Variants in WDFY4 observed in about 807,000 individuals in gnomAD.
WDFY4 encodes the protein WDFY family member 4, also known as WD repeat- and FYVE domain-containing protein 4.
WDFY4 carries 169 observed loss-of-function variants against 351.9 expected under a neutral mutation model. The ratio of observed to expected loss-of-function variants is 0.48; its 90% CI spans 0.42 to 0.55. WDFY4 has a LOEUF of 0.55. WDFY4 is among the 20% of genes least tolerant of loss of function. WDFY4 has a pLI of 0.00. For synonymous variants in WDFY4, 1,622 were observed against 1,574.6 expected, an observed-to-expected ratio of 1.03 and a Z score of -0.71; for missense variants, 3,803 against 3,935.6, an observed-to-expected ratio of 0.97 and a Z score of 0.90.
rs1436716132 is a variant in WDFY4, at chr10:48,946,188, G to A, written c.7867+31G>A. ...TAGATCCAGCTTGATTTTTGGTGCAGTGTTATTCATCGGGATGCCCTAAAA... is the reference window on the plus strand; with the variant it reads ...TAGATCCAGCTTGATTTTTGGTGCAATGTTATTCATCGGGATGCCCTAAAA... On this transcript the variant is annotated intron_variant, in intron 50 of 61. Transcript: ENST00000325239. 1.3e-5 allele frequency: 19 copies of A among 1,488,388 alleles called. No individual in the cohort carries two copies. In the East Asian group the frequency reaches 3.7e-4, roughly 29 times the overall value. 92.2% of individuals were successfully genotyped at this position (1,488,388 alleles called of 1,614,324 possible).
chr10:48,843,919 G>A (rs2068689185), intron 39 of WDFY4, among the ~76,000 whole-genome samples: 1 of 152,226 alleles, frequency 6.6e-6, no homozygotes, highest in African/African-American at 2.4e-5. Context: ...AGGCAAAAAT[G>A]CTCTAGCATT....
intron 39 of WDFY4, among the ~76,000 whole-genome samples, chr10:48,849,961 T>C (rs1206496397): frequency 6.6e-6 from 1 of 152,236 alleles, no homozygotes; most frequent in East Asian, 1.9e-4. Flanking sequence ...AGATATTTTG[T>C]AAAATACCCC....
At chr10:48,769,714 C>G (rs1465969456) in intron 13 of WDFY4, among the ~76,000 whole-genome samples, 1 of 152,152 alleles carries the variant, frequency 6.6e-6, no homozygotes, top group African/African-American at 2.4e-5. Context: ...TGCTCCAGGA[C>G]CCAGCGCTCG....
chr10:48,979,588 TG>T (rs1842723322), intron 60 of WDFY4: 1 of 151,022 alleles, frequency 6.6e-6, no homozygotes, highest in Non-Finnish European at 1.5e-5. Context: ...GATGGATGGA[TG>T]GATGGATGGA....
At chr10:48,842,745 A>C (rs2068651400) in intron 39 of WDFY4, among the ~76,000 whole-genome samples, 1 of 152,180 alleles carries the variant, frequency 6.6e-6, no homozygotes. Flanking sequence ...TTAAGTGCAA[A>C]GTCCACACAC....
intron 39 of WDFY4, among the ~76,000 whole-genome samples, chr10:48,848,858 G>A (rs1166528054): frequency 6.6e-6 from 1 of 152,228 alleles, no homozygotes; most frequent in Non-Finnish European, 1.5e-5. Context: ...TCGCACAGGT[G>A]TGGCTCCTCT....
intron 47 of WDFY4, among the ~76,000 whole-genome samples, chr10:48,934,222 G>A (rs1840211549): frequency 6.6e-6 from 1 of 152,234 alleles, no homozygotes; most frequent in African/African-American, 2.4e-5. Flanking sequence ...GTTGATAAAT[G>A]TATGGAGAAT....
Position 48,937,275 on chromosome 10 carries a change from A to AT in WDFY4, c.7587-4525dup, listed in dbSNP as rs546833407. Among the ~76,000 whole-genome samples the AT allele has an allele frequency of 4.0e-4, 61 of 152,214 alleles. 1 individual carries two copies. The East Asian group carries it at 0.01, about 26-fold the overall frequency. On this transcript the variant is annotated intron_variant, in intron 47 of 61. Transcript: ENST00000325239. ...CAATCTGGTCAATTTACTAATGCTC[A>AT]TTTTTTACCATCATGCTGCCAAATA...
intron 42 of WDFY4, 151 bp from the exon 43 acceptor site, chr10:48,876,882 A>G: frequency 1.4e-6 from 1 of 702,568 alleles, no homozygotes; most frequent in Non-Finnish European, 2.1e-6. Context: ...CATTTCCAGA[A>G]GCAGTGGAGG....
At chr10:48,979,252 G>A (rs376294039) in intron 60 of WDFY4, among the ~76,000 whole-genome samples, 3 of 152,186 alleles carry the variant, frequency 2.0e-5, no homozygotes, top group African/African-American at 7.2e-5. Context: ...ACCACCACAA[G>A]GAGTCAGCCT....
chr10:48,754,870 A>G (rs1342644759), intron 12 of WDFY4, among the ~76,000 whole-genome samples: 1 of 152,200 alleles, frequency 6.6e-6, no homozygotes, highest in Admixed American at 6.5e-5. Flanking sequence ...GACAGCAGCA[A>G]CATGGGCAGG....
intron 1 of WDFY4, among the ~76,000 whole-genome samples, chr10:48,699,104 G>A (rs1005314834): frequency 2.6e-5 from 4 of 152,318 alleles, no homozygotes; most frequent in African/African-American, 9.6e-5. Context: ...ACGCTCACCT[G>A]GTTTTTGCCC....
chr10:48,808,158 G>A (rs2067321558), intron 28 of WDFY4, among the ~76,000 whole-genome samples, 200 bp downstream of exon 28: 1 of 152,232 alleles, frequency 6.6e-6, no homozygotes, highest in Non-Finnish European at 1.5e-5. Flanking sequence ...CAAATGTTAA[G>A]TGGACATGAG....
chr10:48,778,089 C>T (rs2066093601), intron 17 of WDFY4, among the ~76,000 whole-genome samples: 1 of 152,204 alleles, frequency 6.6e-6, no homozygotes. Context: ...GTGCAAGTGC[C>T]TGATGCTGCC....
chr10:48,870,152 C>A (rs2069709700), intron 40 of WDFY4, among the ~76,000 whole-genome samples: 1 of 152,136 alleles, frequency 6.6e-6, no homozygotes, highest in South Asian at 2.1e-4. Context: ...GGCTGGTCAA[C>A]CCCACTGAAG....
Position 48,959,843 on chromosome 10 carries a change from G to T in WDFY4, c.8223+30G>T. 8 of 1,525,860 alleles carry T rather than the reference G, an allele frequency of 5.2e-6. No homozygotes were observed. In the South Asian group the frequency reaches 9.7e-5, roughly 18 times the overall value. 94.5% of individuals were successfully genotyped at this position (1,525,860 alleles called of 1,614,324 possible). A position where few individuals can be genotyped will look rare whatever the true frequency, so the allele number is the denominator to read the frequency against. ...GTCAGGCCAGGACCCCTGGTATCCTGCTGGGGACCTGAACATCCCCTCAAG... is the reference window on the plus strand; with the variant it reads ...GTCAGGCCAGGACCCCTGGTATCCTTCTGGGGACCTGAACATCCCCTCAAG... On this transcript the variant is annotated intron_variant, in intron 53 of 61. Coordinates refer to ENST00000325239, the MANE Select transcript of WDFY4 (RefSeq NM_001394531.1).
At chr10:48,924,044 G>A (rs1258328035) in intron 47 of WDFY4, among the ~76,000 whole-genome samples, 1 of 152,328 alleles carries the variant, frequency 6.6e-6, no homozygotes, top group East Asian at 1.9e-4. Flanking sequence ...CTCCGTTAAG[G>A]AGCCTCTCTC....
intron 23 of WDFY4, among the ~76,000 whole-genome samples, chr10:48,795,534 T>TATAC (rs1565208128): frequency 1.5e-5 from 1 of 67,824 alleles, no homozygotes; most frequent in African/African-American, 8.0e-5. Flanking sequence ...CATATATATA[T>TATAC]ACACACACAT....
At chr10:48,787,990 C>T (rs2066543457) in intron 20 of WDFY4, among the ~76,000 whole-genome samples, 1 of 129,970 alleles carries the variant, frequency 7.7e-6, no homozygotes, top group Admixed American at 7.9e-5. Context: ...TCTTCTCCTT[C>T]TCCTTCTCCT....
Sources: gnomAD v4.1 joint callset for allele counts (sites outside exome capture counted in the v4.1 genomes callset) on GRCh38, gnomAD v4.1.1 for gene constraint, MANE v1.5 for transcripts, NCBI Gene and HGNC (gene_info 2026-07-23, HGNC 2026-07-21) for gene names.